Variants in CPED1 observed in about 807,000 individuals in gnomAD.
The protein encoded by CPED1 is cadherin-like and PC-esterase domain-containing protein 1.
In CPED1, 114 loss-of-function variants were observed where a neutral mutation model predicts 128.2. The observed-to-expected ratio is 0.89, with a 90% CI of 0.76 to 1.04. The LOEUF (loss-of-function observed/expected upper bound fraction) is 1.04. Ranked by LOEUF, CPED1 falls within the 50% of genes least tolerant of loss-of-function variation. The pLI is 0.00. For synonymous variants in CPED1, 462 were observed against 426.7 expected (o/e 1.08, Z -1.02); for missense variants, 1,211 against 1,207.1 (o/e 1.00, Z -0.05).
At chr7:121,077,078 C>T (rs1158285206) in intron 5 of CPED1, among the ~76,000 whole-genome samples, 9 of 152,078 alleles carry the variant, frequency 5.9e-5, no homozygotes. Context: ...GACACCACTC[C>T]ATCCCCCATG....
intron 5 of CPED1, among the ~76,000 whole-genome samples, chr7:121,093,286 T>A (rs1015645548): frequency 6.6e-6 from 1 of 152,098 alleles, no homozygotes; most frequent in Non-Finnish European, 1.5e-5. Flanking sequence ...TTCAACAATT[T>A]TTTTTTACCT....
rs1235455844 is a variant in CPED1 at position 121,015,706 on chromosome 7, A to G, written c.291A>G (p.Arg97=). The change falls in exon 3 of 23, where the codon CGA becomes CGG. Residue 97 remains arginine, a synonymous_variant. Coordinates refer to ENST00000310396, the MANE Select transcript of CPED1 (RefSeq NM_024913.5). ...SMETHFGSHG[R]RAILYRPPFY... ...AGACACACTTTGGCAGCCATGGCCGAAGGGCCATACTCTACAGGCCTCCTT... is the reference window on the plus strand; with the variant it reads ...AGACACACTTTGGCAGCCATGGCCGGAGGGCCATACTCTACAGGCCTCCTT... 13 of 1,604,632 alleles carry G rather than the reference A, an allele frequency of 8.1e-6. No individual in the cohort carries two copies. Among genetic ancestry groups the G allele is most frequent in the African/African-American group, 1.3e-5 (1 of 74,208 alleles).
At chr7:121,042,599 A>T (rs1342604276) in intron 3 of CPED1, among the ~76,000 whole-genome samples, 1 of 152,212 alleles carries the variant, frequency 6.6e-6, no homozygotes, top group African/African-American at 2.4e-5. Context: ...GAACATGGCC[A>T]CTAGAGCTAG....
chr7:121,215,677 C>T (rs1797743879), intron 16 of CPED1, among the ~76,000 whole-genome samples: 1 of 151,980 alleles, frequency 6.6e-6, no homozygotes, highest in Non-Finnish European at 1.5e-5. Context: ...TTGAAGTAGT[C>T]CAAATCTCTT....
At chr7:121,240,322 A>G (rs894123461) in intron 17 of CPED1, among the ~76,000 whole-genome samples, 6 of 152,218 alleles carry the variant, frequency 3.9e-5, no homozygotes, top group Non-Finnish European at 5.9e-5. Context: ...TGAGGGGTAC[A>G]GTGTCTGGAG....
chr7:121,207,492 G>A (rs184752024), intron 16 of CPED1, among the ~76,000 whole-genome samples: 5 of 151,930 alleles, frequency 3.3e-5, no homozygotes, highest in East Asian at 1.9e-4. Flanking sequence ...TATATGTGTC[G>A]CTTAGAGCTA....
intron 5 of CPED1, among the ~76,000 whole-genome samples, chr7:121,069,880 C>A (rs1363093425): frequency 1.3e-5 from 2 of 152,070 alleles, no homozygotes; most frequent in African/African-American, 4.8e-5. Flanking sequence ...GCATCGCCAT[C>A]TAAAAAATCC....
intron 4 of CPED1, among the ~76,000 whole-genome samples, chr7:121,061,754 A>C (rs1013791551): frequency 6.6e-6 from 1 of 152,248 alleles, no homozygotes; most frequent in Non-Finnish European, 1.5e-5. Context: ...ACATTTTATG[A>C]TACGTGTAAA....
intron 7 of CPED1, among the ~76,000 whole-genome samples, chr7:121,121,007 G>A (rs1168359325): frequency 7.0e-6 from 1 of 143,614 alleles, no homozygotes; most frequent in Non-Finnish European, 1.5e-5. Flanking sequence ...TCACAGTCTA[G>A]CAGAAAGAGC....
intron 18 of CPED1, 37 bp downstream of exon 18, chr7:121,244,375 A>G: frequency 6.2e-7 from 1 of 1,611,270 alleles, no homozygotes; most frequent in Non-Finnish European, 8.5e-7. Context: ...CCTTTAATGT[A>G]TGCCACCTGA....
chr7:121,145,285 G>A (rs1795999695), intron 16 of CPED1, among the ~76,000 whole-genome samples: 1 of 151,972 alleles, frequency 6.6e-6, no homozygotes, highest in Non-Finnish European at 1.5e-5. Context: ...TAATTATCAT[G>A]CCATTACCTT....
At chr7:121,273,969 G>A (rs1226637778) in intron 22 of CPED1, among the ~76,000 whole-genome samples, 1 of 152,076 alleles carries the variant, frequency 6.6e-6, no homozygotes, top group Non-Finnish European at 1.5e-5. Context: ...AGAAAACAGG[G>A]CTTTTGAAAG....
chr7:121,124,957 C>G (rs1795469093), intron 8 of CPED1, among the ~76,000 whole-genome samples: 1 of 152,034 alleles, frequency 6.6e-6, no homozygotes, highest in Non-Finnish European at 1.5e-5. Flanking sequence ...AATGTTAAAT[C>G]TCGTACGTCA....
chr7:121,201,857 A>T (rs1797408511), intron 16 of CPED1, among the ~76,000 whole-genome samples: 2 of 152,094 alleles, frequency 1.3e-5, no homozygotes, highest in African/African-American at 4.8e-5. Flanking sequence ...CCTGAACACG[A>T]AAGAAGAGAA....
At position 121,289,482 on chromosome 7, in the gene CPED1, A is replaced by T. The variant is rs142785891; in HGVS notation, c.2869-5958A>T. Among the ~76,000 whole-genome samples the T allele has an allele frequency of 2.0e-3, 305 of 152,294 alleles. 1 individual carries two copies. The highest frequency in any genetic ancestry group is 7.1e-3 in the African/African-American group (297 of 41,578). On this transcript the variant is annotated intron_variant, in intron 22 of 22. Coordinates refer to ENST00000310396, the MANE Select transcript of CPED1 (RefSeq NM_024913.5). ...TGGTATAGATCTTTACAGATTTCCTATTCAAATAACTTTTCAGAAATGGTT... is the reference window on the plus strand; with the variant it reads ...TGGTATAGATCTTTACAGATTTCCTTTTCAAATAACTTTTCAGAAATGGTT...
intron 5 of CPED1, among the ~76,000 whole-genome samples, chr7:121,071,676 T>A (rs551320306): frequency 2.5e-4 from 38 of 152,226 alleles, no homozygotes; most frequent in African/African-American, 9.1e-4. Context: ...CCACCATGCC[T>A]GGCTCATCCA....
At chr7:121,209,285 C>G (rs1438242068) in intron 16 of CPED1, among the ~76,000 whole-genome samples, 1 of 151,926 alleles carries the variant, frequency 6.6e-6, no homozygotes, top group Non-Finnish European at 1.5e-5. Flanking sequence ...ACAGCTGACT[C>G]AGTTATATGG....
At chr7:121,192,944 G>C (rs1797179250) in intron 16 of CPED1, among the ~76,000 whole-genome samples, 1 of 152,064 alleles carries the variant, frequency 6.6e-6, no homozygotes, top group South Asian at 2.1e-4. Context: ...TGTATTTTCT[G>C]GGAACTTGAT....
intron 18 of CPED1, among the ~76,000 whole-genome samples, chr7:121,260,223 G>GTTTTTTTTTTTTTTT (rs59370305): frequency 5.7e-5 from 4 of 70,014 alleles, no homozygotes; most frequent in South Asian, 7.8e-4. Flanking sequence ...CTTGCTTCGC[G>GTTTTTTTTTTTTTTT]TTTTTTTTTT....
Sources: gnomAD v4.1 joint callset for allele counts (sites outside exome capture counted in the v4.1 genomes callset) on GRCh38, gnomAD v4.1.1 for gene constraint, MANE v1.5 for transcripts, NCBI Gene and HGNC (gene_info 2026-07-23, HGNC 2026-07-21) for gene names.